Variants in CCDC88C observed in about 807,000 individuals in gnomAD.
The protein encoded by CCDC88C is coiled-coil and HOOK domain protein 88C.
Under a neutral mutation model 198.8 loss-of-function variants are expected in CCDC88C, and 131 were observed. That is an observed-to-expected ratio of 0.66 (90% CI 0.57 to 0.76). The LOEUF (loss-of-function observed/expected upper bound fraction) is 0.76, where lower values mean the gene tolerates loss of function less well. Ranked by LOEUF, CCDC88C falls within the 30% of genes least tolerant of loss-of-function variation. CCDC88C has a pLI of 0.00. For synonymous variants in CCDC88C, 1,166 were observed against 1,114.7 expected, an observed-to-expected ratio of 1.05 and a Z score of -0.92; for missense variants, 2,553 against 2,631.6, an observed-to-expected ratio of 0.97 and a Z score of 0.65.
At chr14:91,328,933 A>T (rs1567079489) in intron 10 of CCDC88C, among the ~76,000 whole-genome samples, 1 of 152,142 alleles carries the variant, frequency 6.6e-6, no homozygotes, top group Admixed American at 6.5e-5. Flanking sequence ...GCGGAATCAA[A>T]CAAACAGGCA....
chr14:91,401,412 G>A (rs554856613), intron 3 of CCDC88C, among the ~76,000 whole-genome samples: 29 of 149,972 alleles, frequency 1.9e-4, no homozygotes, highest in South Asian at 2.1e-4. Context: ...TTGGCTCACC[G>A]CAACCTCTGC....
At chr14:91,294,872 G>T (rs1418190932) in intron 22 of CCDC88C, among the ~76,000 whole-genome samples, 3 of 152,168 alleles carry the variant, frequency 2.0e-5, no homozygotes, top group African/African-American at 7.2e-5. Context: ...TTGGCAGGCT[G>T]TTCTCAAACT....
chr14:91,283,738 C>T (rs12884117), intron 25 of CCDC88C: 104,132 of 577,988 alleles, frequency 0.18, 10,733 homozygotes, highest in African/African-American at 0.33. Context: ...ATGAGGATGG[C>T]TCTGGCTTTA....
intron 20 of CCDC88C, among the ~76,000 whole-genome samples, chr14:91,300,369 G>A (rs1317212848): frequency 2.0e-5 from 3 of 152,200 alleles, no homozygotes; most frequent in Non-Finnish European, 4.4e-5. Context: ...CTGACAATGT[G>A]ATGACTACAT....
intron 3 of CCDC88C, among the ~76,000 whole-genome samples, chr14:91,372,203 G>A (rs746877702): frequency 6.6e-6 from 1 of 152,004 alleles, no homozygotes; most frequent in Non-Finnish European, 1.5e-5. Flanking sequence ...CAGTTGGGAG[G>A]TGGAGGGTAT....
chr14:91,326,737 C>T (rs922242540), intron 10 of CCDC88C, among the ~76,000 whole-genome samples: 2 of 152,164 alleles, frequency 1.3e-5, no homozygotes, highest in Non-Finnish European at 2.9e-5. Context: ...CTTAATTCAA[C>T]ATTCATTCTA....
At chr14:91,375,968 G>A (rs1360383008) in intron 3 of CCDC88C, among the ~76,000 whole-genome samples, 3 of 152,232 alleles carry the variant, frequency 2.0e-5, no homozygotes, top group African/African-American at 7.2e-5. Flanking sequence ...TACAAGTGGC[G>A]AGGCTGGGGC....
chr14:91,330,467 A>T (rs1482033260), intron 10 of CCDC88C, among the ~76,000 whole-genome samples: 1 of 152,340 alleles, frequency 6.6e-6, no homozygotes, highest in East Asian at 1.9e-4. Flanking sequence ...TGGCCAGTCC[A>T]GACCATTAGG....
chr14:91,375,667 G>A (rs1884361188), intron 3 of CCDC88C, among the ~76,000 whole-genome samples: 1 of 152,142 alleles, frequency 6.6e-6, no homozygotes, highest in African/African-American at 2.4e-5. Context: ...TGTTCCCATG[G>A]CCAAGCCAAG....
At chr14:91,278,693 C>T (rs968467117) in intron 28 of CCDC88C, among the ~76,000 whole-genome samples, 5 of 152,082 alleles carry the variant, frequency 3.3e-5, no homozygotes, top group Admixed American at 1.3e-4. Context: ...AAATGAGACT[C>T]GGGACCTGTG....
At chr14:91,409,191 T>G (rs1284713783) in intron 2 of CCDC88C, among the ~76,000 whole-genome samples, 2 of 151,872 alleles carry the variant, frequency 1.3e-5, no homozygotes, top group African/African-American at 4.8e-5. Flanking sequence ...ATGGTAGTTT[T>G]TTTTTTTTTT....
rs1300259011 is a variant in CCDC88C, at chr14:91,272,378, T to A, written c.*247A>T. ...AATTGGTCCCCATGCTGACGTGGATTATTTGTTCCAAAGATATCAGCTGCT... is the reference window on the plus strand; with the variant it reads ...AATTGGTCCCCATGCTGACGTGGATAATTTGTTCCAAAGATATCAGCTGCT... On this transcript the variant is annotated 3_prime_UTR_variant, in exon 30 of 30. Transcript: ENST00000389857. The A allele has an allele frequency of 1.9e-6, 1 of 530,356 alleles. No individual in the cohort carries two copies. Among genetic ancestry groups the A allele is most frequent in the African/African-American group, 2.0e-5 (1 of 50,328 alleles). The allele number at this position is 530,356 out of a possible 1,614,324, so 32.9% of individuals were successfully genotyped here.
At chr14:91,295,691 G>A (rs1041313210) in intron 22 of CCDC88C, among the ~76,000 whole-genome samples, 5 of 152,164 alleles carry the variant, frequency 3.3e-5, no homozygotes, top group African/African-American at 4.8e-5. Flanking sequence ...GAGGAGCGGC[G>A]AGCACGGCTC....
At chr14:91,358,313 C>G (rs560131380) in intron 4 of CCDC88C, among the ~76,000 whole-genome samples, 28 of 152,290 alleles carry the variant, frequency 1.8e-4, no homozygotes, top group Admixed American at 1.6e-3. Context: ...CAGAGGAAGC[C>G]CGAGTCCCTT....
At chr14:91,403,852 C>A (rs1384699112) in intron 3 of CCDC88C, among the ~76,000 whole-genome samples, 2 of 152,192 alleles carry the variant, frequency 1.3e-5, no homozygotes, top group Non-Finnish European at 1.5e-5. Flanking sequence ...ATCGCCTGAG[C>A]CCAGTGGAGG....
At chr14:91,321,040 G>A (rs1321215192) in intron 13 of CCDC88C, 80 bp downstream of exon 13, 3 of 1,355,914 alleles carry the variant, frequency 2.2e-6, no homozygotes, top group Non-Finnish European at 2.0e-6. Flanking sequence ...CCTTGTCTGT[G>A]CTCCAGACAA....
intron 12 of CCDC88C, among the ~76,000 whole-genome samples, chr14:91,324,331 G>A (rs1158415693): frequency 6.6e-6 from 1 of 152,228 alleles, no homozygotes; most frequent in Non-Finnish European, 1.5e-5. Flanking sequence ...CCCCACCCAG[G>A]AGAGAGAAAA....
rs1013204847 is a variant in CCDC88C at position 91,375,015 on chromosome 14, G to A, written c.271-15304C>T. Among the ~76,000 whole-genome samples the A allele has an allele frequency of 2.0e-5, 3 of 152,314 alleles. 1 individual carries two copies. Among genetic ancestry groups the A allele is most frequent in the Admixed American group, 2.0e-4 (3 of 15,304 alleles). ...CGTATGTGGTATACAACATGCCGAG[G>A]GGATGTGGGCAAAACACCAGGAACT... is the stretch of plus-strand genomic sequence containing the variant. On this transcript the variant is annotated intron_variant, in intron 3 of 29. Transcript: ENST00000389857.
At chr14:91,334,807 G>A (rs1030032630) in intron 10 of CCDC88C, among the ~76,000 whole-genome samples, 4 of 152,112 alleles carry the variant, frequency 2.6e-5, no homozygotes, top group Admixed American at 6.6e-5. Context: ...ATCTGCCACC[G>A]GGGGCAAGGG....
Sources: gnomAD v4.1 joint callset for allele counts (sites outside exome capture counted in the v4.1 genomes callset) on GRCh38, gnomAD v4.1.1 for gene constraint, MANE v1.5 for transcripts, NCBI Gene and HGNC (gene_info 2026-07-23, HGNC 2026-07-21) for gene names.